The following OR51B5 variants were observed in gnomAD, a reference collection of about 807,000 sequenced individuals.
OR51B5 encodes olfactory receptor 51B5.
For synonymous variants in OR51B5, 186 were observed against 144.8 expected (o/e 1.28, Z -2.04); for missense variants, 456 against 374.6 (o/e 1.22, Z -1.79).
intron 1 of OR51B5, among the ~76,000 whole-genome samples, chr11:5,425,927 A>T (rs984250368): frequency 6.6e-6 from 1 of 152,226 alleles, no homozygotes; most frequent in Non-Finnish European, 1.5e-5. Flanking sequence ...TAATTAGCGT[A>T]AAAAGAAAAG....
At chr11:5,391,380 C>G (rs1849793101) in intron 1 of OR51B5, 1 of 152,158 alleles carries the variant, frequency 6.6e-6, no homozygotes, top group Non-Finnish European at 1.5e-5. Flanking sequence ...ATTTGTCACA[C>G]AGTAATGTCC....
Position 5,352,195 on chromosome 11 carries a change from G to A in OR51B5, n.85-5285C>T, listed in dbSNP as rs149679624. On this transcript the variant is annotated intron_variant and non_coding_transcript_variant, in intron 1 of 4. Coordinates refer to the OR51B5 transcript ENST00000415970. ...GACTGTCATGGGCATTGGTTCTGGA[G>A]GAGAAAGGGCCAAGGCCCTCAACAC... is the stretch of plus-strand genomic sequence containing the variant. 176 of 1,614,162 alleles carry A rather than the reference G, an allele frequency of 1.1e-4. No homozygotes were observed. Among genetic ancestry groups the A allele is most frequent in the African/African-American group, 7.9e-4 (59 of 75,042 alleles).
chr11:5,395,788 C>T (rs1378502262), intron 1 of OR51B5, among the ~76,000 whole-genome samples: 1 of 152,182 alleles, frequency 6.6e-6, no homozygotes, highest in African/African-American at 2.4e-5. Flanking sequence ...GTCCAAAAAC[C>T]TGTGCAAGAG....
intron 1 of OR51B5, among the ~76,000 whole-genome samples, chr11:5,402,206 A>C (rs1849981084): frequency 6.6e-6 from 1 of 151,864 alleles, no homozygotes; most frequent in African/African-American, 2.4e-5. Flanking sequence ...GTAGAGACAG[A>C]GTTTCGCCAT....
Position 5,390,336 on chromosome 11 carries a change from G to A in OR51B5, n.85-43426C>T, listed in dbSNP as rs112693558. Reference sequence around the variant, plus strand: ...AGCATTAAGACCAAGGAGATCCACCGTGCCATTATCAAGTTCCTAGGTCTT... The same window carrying A: ...AGCATTAAGACCAAGGAGATCCACCATGCCATTATCAAGTTCCTAGGTCTT... On this transcript the variant is annotated intron_variant and non_coding_transcript_variant, in intron 1 of 4. Transcript: ENST00000415970. 147 of 1,611,896 alleles carry A rather than the reference G, an allele frequency of 9.1e-5. 1 individual carries two copies. The African/African-American group carries it at 1.0e-3, about 11-fold the overall frequency.
chr11:5,455,732 A>T (rs2133789761), intron 1 of OR51B5: 1 of 152,258 alleles, frequency 6.6e-6, no homozygotes, highest in African/African-American at 2.4e-5. Context: ...TTCTCTTTGT[A>T]TTGAGGAAAT....
intron 1 of OR51B5, chr11:5,440,652 A>C: frequency 6.2e-7 from 1 of 1,613,906 alleles, no homozygotes. Flanking sequence ...AGGGTTGAGC[A>C]TGGGTGGTAC....
At chr11:5,351,586 A>T (rs1210905802) in intron 1 of OR51B5, 1 of 1,614,072 alleles carries the variant, frequency 6.2e-7, no homozygotes, top group Non-Finnish European at 8.5e-7. Context: ...CTGGATATTC[A>T]TCCCATTATT....
At chr11:5,356,504 T>A (rs538280981) in intron 1 of OR51B5, among the ~76,000 whole-genome samples, 2 of 146,610 alleles carry the variant, frequency 1.4e-5, no homozygotes, top group African/African-American at 5.1e-5. Context: ...ATCTGATTGG[T>A]GTACCTGAAA....
intron 1 of OR51B5, among the ~76,000 whole-genome samples, chr11:5,368,460 T>TTGC (rs35179347): frequency 0.15 from 22,058 of 151,998 alleles, 1,641 homozygotes; most frequent in African/African-American, 0.17. Flanking sequence ...ATAGAAATCA[T>TTGC]TGCTATTATT....
chr11:5,505,464 T>A, intron 1 of OR51B5: 6 of 1,300,034 alleles, frequency 4.6e-6, no homozygotes, highest in Non-Finnish European at 6.1e-6. Context: ...TAATGGGGAG[T>A]GGAGTGAGGG....
At chr11:5,442,371 A>G (rs1376989271) in intron 1 of OR51B5, among the ~76,000 whole-genome samples, 1 of 152,198 alleles carries the variant, frequency 6.6e-6, no homozygotes, top group Non-Finnish European at 1.5e-5. Context: ...TTTCTGAGAA[A>G]GAGATTTCTC....
chr11:5,490,992 A>G (rs1851572827), intron 1 of OR51B5, among the ~76,000 whole-genome samples: 1 of 152,258 alleles, frequency 6.6e-6, no homozygotes. Context: ...TGAATTGATA[A>G]CCATTTTAAT....
In OR51B5 at chr11:5,464,005, T is replaced by C. The variant is rs1425879291; in HGVS notation, n.84+41564A>G. ...CAGCTTAGAACCAACCACAGTGCTA[T>C]GTATTTAAGGCAAATACCCCAGAAC... On this transcript the variant is annotated intron_variant and non_coding_transcript_variant, in intron 1 of 4. Coordinates refer to the OR51B5 transcript ENST00000415970. 2.6e-5 allele frequency among the ~76,000 whole-genome samples: 4 copies of C among 152,366 alleles called. No individual in the cohort carries two copies. In the East Asian group the frequency reaches 5.8e-4, roughly 22 times the overall value.
intron 1 of OR51B5, chr11:5,488,981 C>T (rs1045305780): frequency 2.5e-6 from 4 of 1,613,964 alleles, no homozygotes; most frequent in Admixed American, 1.7e-5. Flanking sequence ...TGGCTCCATG[C>T]TGGTGAGATT....
chr11:5,500,181 T>A (rs1314514350), intron 1 of OR51B5, among the ~76,000 whole-genome samples: 1 of 152,232 alleles, frequency 6.6e-6, no homozygotes, highest in Non-Finnish European at 1.5e-5. Flanking sequence ...TAATTTCACA[T>A]AACTTTTGCC....
At position 5,468,767 on chromosome 11, in the gene OR51B5, A is replaced by G. The variant is rs1224543396; in HGVS notation, n.84+36802T>C. 9 of 456,364 alleles carry G rather than the reference A, an allele frequency of 2.0e-5. No individual in the cohort carries two copies. The East Asian group carries it at 6.2e-4, about 32-fold the overall frequency. The allele number at this position is 456,364 out of a possible 1,614,324, so 28.3% of individuals were successfully genotyped here. On this transcript the variant is annotated intron_variant and non_coding_transcript_variant, in intron 1 of 4. Coordinates refer to the OR51B5 transcript ENST00000415970. ...AGAATGTAGAATGAGCACATAGGAG[A>G]GGAGGATGAGCAGTGAATCTACACC...
rs182063275 is a variant in OR51B5 at position 5,375,843 on chromosome 11, C to T, written n.85-28933G>A. Among the ~76,000 whole-genome samples the T allele has an allele frequency of 9.2e-5, 14 of 152,284 alleles. No homozygotes were observed. In the East Asian group the frequency reaches 2.5e-3, roughly 27 times the overall value. Reference sequence around the variant, plus strand: ...TTAGAGACCTACAAAGAGACTTAGACTCCCACACTTTAATAATGGGAGACT... The same window carrying T: ...TTAGAGACCTACAAAGAGACTTAGATTCCCACACTTTAATAATGGGAGACT... On this transcript the variant is annotated intron_variant and non_coding_transcript_variant, in intron 1 of 4. Coordinates refer to the OR51B5 transcript ENST00000415970.
intron 1 of OR51B5, among the ~76,000 whole-genome samples, chr11:5,415,469 A>G (rs1256671543): frequency 2.0e-5 from 3 of 151,848 alleles, no homozygotes; most frequent in Non-Finnish European, 4.4e-5. Context: ...ACCCTTCAAA[A>G]AATTAATGAA....
Sources: gnomAD v4.1 joint callset for allele counts (sites outside exome capture counted in the v4.1 genomes callset) on GRCh38, gnomAD v4.1.1 for gene constraint, MANE v1.5 for transcripts, NCBI Gene and HGNC (gene_info 2026-07-23, HGNC 2026-07-21) for gene names.